The following ADGRG4 variants were observed in gnomAD, a reference collection of about 807,000 sequenced individuals.
ADGRG4 encodes the protein G protein-coupled receptor 112.
In ADGRG4, 122 loss-of-function variants were observed where a neutral mutation model predicts 126.2. The observed-to-expected ratio is 0.97, with a 90% CI of 0.83 to 1.12. The LOEUF is 1.12. Among genes scored for constraint, ADGRG4 ranks in the 50% most tolerant of loss-of-function variants. The probability of loss-of-function intolerance (pLI) is 0.00; values close to 1 mark genes in which losing one functional copy is unlikely to be tolerated. For synonymous variants in ADGRG4, 943 were observed against 838.7 expected (o/e 1.12, Z -2.15); for missense variants, 2,481 against 2,251.8 (o/e 1.10, Z -2.06).
In ADGRG4 at chrX:136,363,742, T is replaced by A; in HGVS notation, c.7396+147T>A. 3 of 452,324 alleles carry A rather than the reference T, an allele frequency of 6.6e-6. No homozygotes were observed. In the South Asian group the frequency reaches 1.0e-4, roughly 15 times the overall value. 37.3% of individuals were successfully genotyped at this position (452,324 alleles called of 1,213,427 possible). ...ATTTCAGAACAAAGGTAATTAATGTTGGTGGAGGTGGTGGTGGGACATGAG... is the reference window on the plus strand; with the variant it reads ...ATTTCAGAACAAAGGTAATTAATGTAGGTGGAGGTGGTGGTGGGACATGAG... On this transcript the variant is annotated intron_variant, in intron 13 of 25. Transcript: ENST00000394143.
rs1441730551 is a variant in ADGRG4, at chrX:136,387,761, G to A, written c.7798G>A (p.Val2600Met). ...GCAGATTTTCCTAGGCAATGTCCCTGTGGGAGGGATTTTGGCTTCCATATA... is the reference window on the plus strand; with the variant it reads ...GCAGATTTTCCTAGGCAATGTCCCTATGGGAGGGATTTTGGCTTCCATATA... The part of the protein sequence containing the change: ...DPEIFLGNVP[V>M]GGILASIYLP... Residue 2600 changes from valine (V) to methionine (M), a missense_variant, in exon 16 of 26, where the codon GTG becomes ATG. Transcript: ENST00000394143. The A allele has an allele frequency of 5.8e-6, 7 of 1,206,813 alleles. No homozygotes were observed. The highest frequency in any genetic ancestry group is 7.8e-6 in the Non-Finnish European group (7 of 893,571).
intron 14 of ADGRG4, 65 bp downstream of exon 14, chrX:136,371,609 G>A: frequency 1.7e-6 from 1 of 603,602 alleles, no homozygotes; most frequent in Non-Finnish European, 2.5e-6. Context: ...ACGGCCCTCT[G>A]TATCTGTGCA....
chrX:136,381,374 C>T (rs1437571159), intron 15 of ADGRG4, among the ~76,000 whole-genome samples: 1 of 110,703 alleles, frequency 9.0e-6, no homozygotes, highest in Non-Finnish European at 1.9e-5. Context: ...ACCTCAGCCT[C>T]CCGAGTAGCT....
rs770386273 is a variant in ADGRG4, at chrX:136,384,754, T to G, written c.7777-2986T>G. 2.7e-5 allele frequency among the ~76,000 whole-genome samples: 3 copies of G among 111,672 alleles called. No homozygotes were observed. In the East Asian group the frequency reaches 8.4e-4, roughly 31 times the overall value. ...ATTTTAAAGATGTCATTTCACTCTC[T>G]TCTGGCCTTTATGTTTTCTGAAGAG... On this transcript the variant is annotated intron_variant, in intron 15 of 25. Transcript: ENST00000394143.
intron 4 of ADGRG4, among the ~76,000 whole-genome samples, chrX:136,319,772 TTATC>T (rs1214212971): frequency 1.8e-5 from 2 of 110,636 alleles, no homozygotes; most frequent in African/African-American, 6.6e-5. Context: ...TATCTATTAT[TTATC>T]TGTCTACCTA....
chrX:136,353,264 C>A, intron 7 of ADGRG4, 73 bp from the exon 8 acceptor site: 1 of 672,870 alleles, frequency 1.5e-6, no homozygotes, highest in East Asian at 3.3e-5. Flanking sequence ...ATGATCACAC[C>A]ATCCCAAGTG....
chrX:136,371,700 A>T (rs1569330721), intron 14 of ADGRG4, among the ~76,000 whole-genome samples, 156 bp downstream of exon 14: 1 of 111,858 alleles, frequency 8.9e-6, no homozygotes, highest in Non-Finnish European at 1.9e-5. Flanking sequence ...CAAGTACAGA[A>T]TTTTTTCTCA....
intron 15 of ADGRG4, among the ~76,000 whole-genome samples, chrX:136,379,626 C>T (rs2075247672): frequency 9.2e-6 from 1 of 108,972 alleles, no homozygotes; most frequent in Non-Finnish European, 1.9e-5. Context: ...TCTCTCCTCT[C>T]CCTCTGCTTC....
chrX:136,376,434 G>T (rs2075225649), intron 15 of ADGRG4, among the ~76,000 whole-genome samples: 1 of 111,569 alleles, frequency 9.0e-6, no homozygotes, highest in African/African-American at 3.3e-5. Flanking sequence ...CTGTAAGAAT[G>T]ATGATATTTT....
In ADGRG4 at chrX:136,348,201, C is replaced by G; in HGVS notation, c.4495C>G (p.Pro1499Ala). Residue 1499 changes from proline to alanine, a missense_variant, in exon 6 of 26, where the codon CCT (proline) becomes GCT (alanine). By Grantham distance (27) the Pro-to-Ala change is conservative (BLOSUM62 -1). Transcript: ENST00000394143. ...TGTTCCAAATGTACCTACAATGCTT[C>G]CTAGAGAATCCTCTATGGCAACGTC... ...FSVPNVPTMLPRESSMATSTP... is the reference protein window; with the variant it reads ...FSVPNVPTMLARESSMATSTP... 8.3e-7 allele frequency: 1 copy of G among 1,208,253 alleles called. No homozygotes were observed. The highest frequency in any genetic ancestry group is 2.3e-4 in the Middle Eastern group (1 of 4,337).
intron 1 of ADGRG4, among the ~76,000 whole-genome samples, chrX:136,302,559 T>G (rs1213898942): frequency 8.9e-6 from 1 of 112,121 alleles, no homozygotes; most frequent in Non-Finnish European, 1.9e-5. Context: ...CTTTGCTTAC[T>G]GGGCTCATAT....
chrX:136,319,076 G>A (rs969087794), intron 4 of ADGRG4, among the ~76,000 whole-genome samples: 12 of 112,640 alleles, frequency 1.1e-4, no homozygotes, highest in Non-Finnish European at 2.2e-4. Flanking sequence ...AATGGATAGC[G>A]AAATCATATG....
rs2075006025 is a variant in ADGRG4 at position 136,345,198 on chromosome X, A to G, written c.1492A>G (p.Met498Val). Residue 498 changes from methionine (M) to valine (V), a missense_variant, in exon 6 of 26, where the codon ATG becomes GTG. Coordinates refer to ENST00000394143, the MANE Select transcript of ADGRG4 (RefSeq NM_153834.4). ...AGCATTTCCATTGGCAACAACTGATATGAAAATAGCATTTACAGTCCATTC... is the reference window on the plus strand; with the variant it reads ...AGCATTTCCATTGGCAACAACTGATGTGAAAATAGCATTTACAGTCCATTC... ...QTAFPLATTD[M>V]KIAFTVHSLT... 8.3e-7 allele frequency: 1 copy of G among 1,210,381 alleles called. No homozygotes were observed. The highest frequency in any genetic ancestry group is 1.1e-6 in the Non-Finnish European group (1 of 894,298).
chrX:136,364,205 A>G (rs1227682850), intron 13 of ADGRG4, among the ~76,000 whole-genome samples: 1 of 111,526 alleles, frequency 9.0e-6, no homozygotes, highest in African/African-American at 3.3e-5. Flanking sequence ...ATACTCAAAA[A>G]ACAAAAAGAG....
At chrX:136,412,050 G>A (rs889958163) in intron 23 of ADGRG4, among the ~76,000 whole-genome samples, 62 of 112,706 alleles carry the variant, frequency 5.5e-4, no homozygotes, top group African/African-American at 1.9e-3. Flanking sequence ...AGGATGAACA[G>A]CAGTCCAGGG....
intron 15 of ADGRG4, among the ~76,000 whole-genome samples, chrX:136,375,757 T>C (rs1487770605): frequency 8.9e-6 from 1 of 112,354 alleles, no homozygotes; most frequent in Non-Finnish European, 1.9e-5. Flanking sequence ...TGCTGATTTG[T>C]TTGAATTCCT....
chrX:136,332,079 T>C (rs2074914931), intron 5 of ADGRG4, among the ~76,000 whole-genome samples: 1 of 109,499 alleles, frequency 9.1e-6, no homozygotes. Flanking sequence ...TATGTATACA[T>C]GTGCCATGCT....
Position 136,350,784 on chromosome X carries a change from C to T in ADGRG4, c.6727+351C>T, listed in dbSNP as rs766123333. Among the ~76,000 whole-genome samples, 11 of 111,191 alleles carry T rather than the reference C, an allele frequency of 9.9e-5. No individual in the cohort carries two copies. In the East Asian group the frequency reaches 1.4e-3, roughly 14 times the overall value. ...ATCCCTTCCCAGTAAGAGAATCATA[C>T]GGCCTTAGGTCTGAGCATGCTGACC... On this transcript the variant is annotated intron_variant, in intron 6 of 25. Coordinates refer to ENST00000394143, the MANE Select transcript of ADGRG4 (RefSeq NM_153834.4).
rs1172399591 is a variant in ADGRG4, at chrX:136,363,531, AT to A, written c.7333del (p.Cys2445AlafsTer19). 2 of 1,202,435 alleles carry A rather than the reference AT, an allele frequency of 1.7e-6. No individual in the cohort carries two copies. The highest frequency in any genetic ancestry group is 1.8e-5 in the South Asian group (1 of 56,607). On this transcript the variant is annotated frameshift_variant, in exon 13 of 26. Coordinates refer to ENST00000394143, the MANE Select transcript of ADGRG4 (RefSeq NM_153834.4). LOFTEE classifies it high-confidence loss of function. Reference protein sequence around the residue: ...SQWEKPKFKQCKLLQELPDKI... With the variant: ...SQWEKPKFKQXKLLQELPDKI... The stretch of plus-strand genomic sequence containing the variant: ...AGTGGGAAAAGCCAAAGTTTAAACA[AT>A]GCAAATTGCTTCAAGAACTTCCTGA...
Sources: allele counts gnomAD v4.1 joint callset (sites outside exome capture counted in the v4.1 genomes callset), GRCh38; gene constraint gnomAD v4.1.1; transcripts MANE v1.5; gene names NCBI Gene and HGNC (gene_info 2026-07-23, HGNC 2026-07-21).